The following SEC63 variants were observed in gnomAD, a reference collection of about 807,000 sequenced individuals.
SEC63 encodes SEC63 protein translocation regulator.
Under a neutral mutation model 116.2 loss-of-function variants are expected in SEC63, and 56 were observed. The ratio of observed to expected loss-of-function variants is 0.48; its 90% confidence interval spans 0.39 to 0.60. The LOEUF (loss-of-function observed/expected upper bound fraction) is 0.60. Ranked by LOEUF, SEC63 falls within the 20% of genes least tolerant of loss-of-function variation. The pLI is 0.00. For synonymous variants in SEC63, 273 were observed against 294.6 expected (o/e 0.93, Z 0.75); for missense variants, 668 against 900.0 (o/e 0.74, Z 3.30).
chr6:107,935,392 G>GT (rs1169959523), intron 1 of SEC63, among the ~76,000 whole-genome samples: 6 of 151,396 alleles, frequency 4.0e-5, no homozygotes, highest in African/African-American at 1.5e-4. Flanking sequence ...GATGGTTGCC[G>GT]TGTCTGTGTA....
chr6:107,910,693 T>C (rs192555474), intron 7 of SEC63, among the ~76,000 whole-genome samples: 2 of 152,248 alleles, frequency 1.3e-5, no homozygotes, highest in East Asian at 3.9e-4. Flanking sequence ...TATACATATG[T>C]CATACATATA....
At chr6:107,871,933 C>G in intron 20 of SEC63, 86 bp from the exon 21 acceptor site, 1 of 1,401,954 alleles carries the variant, frequency 7.1e-7, no homozygotes, top group Non-Finnish European at 1.0e-6. Context: ...TTTCTTTGAC[C>G]ACAGCAATTA....
chr6:107,902,025 C>T (rs1324525056), intron 12 of SEC63, among the ~76,000 whole-genome samples: 1 of 151,916 alleles, frequency 6.6e-6, no homozygotes, highest in Non-Finnish European at 1.5e-5. Context: ...CAGTAATATC[C>T]ATCTTGGCAA....
At position 107,958,199 on chromosome 6, in the gene SEC63, C is replaced by G. The variant is rs949630368; in HGVS notation, c.-190G>C. ...GCCGCTGCCGCCGCCGTCGCCAGCT[C>G]TCGCGAGAGGAGATAGTTCCCGCCC... On this transcript the variant is annotated 5_prime_UTR_variant, in exon 1 of 21. Transcript: ENST00000369002. The G allele has an allele frequency of 2.5e-6, 2 of 800,298 alleles. No homozygotes were observed. Among genetic ancestry groups the G allele is most frequent in the Non-Finnish European group, 4.0e-6 (2 of 499,574 alleles). 49.6% of individuals were successfully genotyped at this position (800,298 alleles called of 1,614,324 possible).
intron 4 of SEC63, among the ~76,000 whole-genome samples, chr6:107,918,178 C>A (rs1787458311): frequency 6.6e-6 from 1 of 151,936 alleles, no homozygotes; most frequent in Non-Finnish European, 1.5e-5. Flanking sequence ...AACAACAAAT[C>A]CTTGATGACA....
chr6:107,942,361 A>G (rs895961443), intron 1 of SEC63, among the ~76,000 whole-genome samples: 3 of 152,238 alleles, frequency 2.0e-5, no homozygotes, highest in Non-Finnish European at 4.4e-5. Flanking sequence ...GTTCAAGGGC[A>G]GAGACTGTAT....
chr6:107,940,454 A>G (rs1770351782), intron 1 of SEC63, among the ~76,000 whole-genome samples: 1 of 152,148 alleles, frequency 6.6e-6, no homozygotes, highest in Non-Finnish European at 1.5e-5. Flanking sequence ...GGACTATACA[A>G]TTCTTATAAT....
intron 19 of SEC63, among the ~76,000 whole-genome samples, chr6:107,874,595 CAAAAAAA>C (rs35096526): frequency 6.2e-5 from 4 of 64,600 alleles, no homozygotes; most frequent in African/African-American, 1.9e-4. Context: ...GACTCTGTCT[CAAAAAAA>C]AAAAAAAAAA....
intron 1 of SEC63, among the ~76,000 whole-genome samples, chr6:107,939,986 G>C (rs1770339702): frequency 6.6e-6 from 1 of 152,070 alleles, no homozygotes; most frequent in Non-Finnish European, 1.5e-5. Flanking sequence ...GGCCAGTTCA[G>C]AACTATTTGG....
intron 4 of SEC63, 56 bp from the exon 5 acceptor site, chr6:107,913,483 A>C (rs961839959): frequency 3.3e-6 from 4 of 1,206,180 alleles, no homozygotes; most frequent in Non-Finnish European, 4.9e-6. Context: ...AAAAACAAGT[A>C]CTCATATAGA....
chr6:107,950,739 G>A (rs541013271), intron 1 of SEC63, among the ~76,000 whole-genome samples: 85 of 152,320 alleles, frequency 5.6e-4, no homozygotes, highest in Middle Eastern at 3.4e-3. Flanking sequence ...TTTTGAAAAA[G>A]TAAGGTTAAG....
intron 16 of SEC63, among the ~76,000 whole-genome samples, chr6:107,891,363 T>C (rs992163166): frequency 2.7e-4 from 41 of 151,944 alleles, no homozygotes; most frequent in Admixed American, 2.5e-3. Context: ...AATATGGCTA[T>C]TGATACTTGT....
chr6:107,873,004 G>A (rs1786169933), intron 19 of SEC63, 92 bp from the exon 20 acceptor site: 2 of 784,276 alleles, frequency 2.6e-6, no homozygotes, highest in Admixed American at 4.0e-5. Context: ...TTAACAGCCA[G>A]GTTTTTTCTG....
At position 107,910,850 on chromosome 6, in the gene SEC63, C is replaced by T. The variant is rs551261458; in HGVS notation, c.624+496G>A. Among the ~76,000 whole-genome samples, 4 of 152,068 alleles carry T rather than the reference C, an allele frequency of 2.6e-5. No homozygotes were observed. The South Asian group carries it at 6.2e-4, about 24-fold the overall frequency. On this transcript the variant is annotated intron_variant, in intron 7 of 20. Transcript: ENST00000369002. ...GTGGCACAATCTCGGCTCATTGCAACCTCTGCCTCCTGGGTTCAAACCAGC... is the reference window on the plus strand; with the variant it reads ...GTGGCACAATCTCGGCTCATTGCAATCTCTGCCTCCTGGGTTCAAACCAGC...
chr6:107,940,191 A>AG (rs1770345780), intron 1 of SEC63, among the ~76,000 whole-genome samples: 1 of 151,788 alleles, frequency 6.6e-6, no homozygotes, highest in Non-Finnish European at 1.5e-5. Flanking sequence ...AAAAAAAAAA[A>AG]CAAACACTGG....
chr6:107,904,137 A>T (rs1278815164), intron 11 of SEC63, among the ~76,000 whole-genome samples: 1 of 148,906 alleles, frequency 6.7e-6, no homozygotes, highest in Non-Finnish European at 1.5e-5. Context: ...AAAAAACAAG[A>T]ATTAAAATCA....
At chr6:107,938,401 C>T (rs1194534799) in intron 1 of SEC63, among the ~76,000 whole-genome samples, 1 of 151,734 alleles carries the variant, frequency 6.6e-6, no homozygotes, top group Non-Finnish European at 1.5e-5. Flanking sequence ...CAGGAAGATG[C>T]CACTATGCCT....
chr6:107,910,716 T>C (rs968468456), intron 7 of SEC63, among the ~76,000 whole-genome samples: 8 of 152,024 alleles, frequency 5.3e-5, no homozygotes, highest in South Asian at 2.1e-4. Context: ...CATACACACA[T>C]ATGTATACAT....
At chr6:107,938,753 C>T (rs952079305) in intron 1 of SEC63, among the ~76,000 whole-genome samples, 2 of 151,730 alleles carry the variant, frequency 1.3e-5, no homozygotes, top group African/African-American at 2.4e-5. Context: ...ATGGGGTTTC[C>T]GCCATGTTGG....
Sources: allele counts gnomAD v4.1 joint callset (sites outside exome capture counted in the v4.1 genomes callset), GRCh38; gene constraint gnomAD v4.1.1; transcripts MANE v1.5; gene names NCBI Gene and HGNC (gene_info 2026-07-23, HGNC 2026-07-21).